PRORP: variants seen among roughly 807,000 people sequenced by gnomAD.
PRORP encodes the protein mitochondrial ribonuclease P catalytic subunit.
PRORP carries 51 observed loss-of-function variants against 59.4 expected under a neutral mutation model. The observed-to-expected ratio is 0.86, with a 90% CI of 0.69 to 1.08. The LOEUF is 1.08. Ranked by LOEUF, PRORP falls within the 50% of genes least tolerant of loss-of-function variation. The pLI is 0.00. For missense variants in PRORP, 646 were observed against 690.3 expected (o/e 0.94, Z 0.72); for synonymous variants, 231 against 245.6 (o/e 0.94, Z 0.55).
chr14:35,214,126 A>T (rs1197456762), intron 5 of PRORP, among the ~76,000 whole-genome samples: 3 of 152,182 alleles, frequency 2.0e-5, no homozygotes, highest in Non-Finnish European at 4.4e-5. Context: ...TATTTTAGTG[A>T]GTCATCCTTC....
At chr14:35,131,311 T>C (rs933883922) in intron 4 of PRORP, among the ~76,000 whole-genome samples, 21 of 152,184 alleles carry the variant, frequency 1.4e-4, no homozygotes, top group African/African-American at 5.1e-4. Flanking sequence ...TGATGTAATC[T>C]CTCAGCTTTT....
intron 4 of PRORP, among the ~76,000 whole-genome samples, chr14:35,168,626 G>A (rs1373196151): frequency 6.6e-6 from 1 of 151,844 alleles, no homozygotes; most frequent in Non-Finnish European, 1.5e-5. Context: ...AAAAGCATAG[G>A]CCTATTATTT....
chr14:35,156,049 A>C (rs1357002145), intron 4 of PRORP, among the ~76,000 whole-genome samples: 1 of 152,184 alleles, frequency 6.6e-6, no homozygotes, highest in Non-Finnish European at 1.5e-5. Context: ...GTACAAGTTA[A>C]TCCATTGTGT....
At chr14:35,129,139 C>T (rs953119526) in intron 4 of PRORP, among the ~76,000 whole-genome samples, 8 of 151,442 alleles carry the variant, frequency 5.3e-5, no homozygotes, top group Non-Finnish European at 7.4e-5. Flanking sequence ...ACCCAGGAGG[C>T]GGAGGTTGAA....
intron 5 of PRORP, among the ~76,000 whole-genome samples, chr14:35,254,567 T>A (rs980756304): frequency 6.6e-6 from 1 of 152,100 alleles, no homozygotes; most frequent in Non-Finnish European, 1.5e-5. Context: ...TAATTTTGTA[T>A]TTTTAGTAGA....
intron 4 of PRORP, among the ~76,000 whole-genome samples, chr14:35,165,349 C>T (rs896394808): frequency 5.9e-5 from 9 of 152,100 alleles, no homozygotes; most frequent in Admixed American, 4.6e-4. Flanking sequence ...TTTTGAACCC[C>T]AAGTTCACCA....
chr14:35,234,676 C>CT (rs398056986), intron 5 of PRORP, among the ~76,000 whole-genome samples: 10,621 of 130,092 alleles, frequency 0.082, 880 homozygotes, highest in African/African-American at 0.21. Flanking sequence ...ACTGTTGTTC[C>CT]TTTTTTTTTT....
intron 6 of PRORP, 80 bp from the exon 7 acceptor site, chr14:35,270,321 A>G: frequency 7.4e-7 from 1 of 1,359,234 alleles, no homozygotes; most frequent in East Asian, 2.3e-5. Context: ...CAAGGAAAGT[A>G]AGTAAAAAGT....
At chr14:35,132,510 T>C (rs1260505991) in intron 4 of PRORP, among the ~76,000 whole-genome samples, 1 of 151,462 alleles carries the variant, frequency 6.6e-6, no homozygotes, top group Non-Finnish European at 1.5e-5. Flanking sequence ...CGTCCAGGCA[T>C]TGTGGCTCAC....
At chr14:35,216,849 G>C (rs2049610673) in intron 5 of PRORP, among the ~76,000 whole-genome samples, 1 of 152,174 alleles carries the variant, frequency 6.6e-6, no homozygotes, top group Admixed American at 6.5e-5. Flanking sequence ...ACTAATAGGT[G>C]TGAAGTGGTA....
At chr14:35,122,915 G>A (rs940816377) in intron 1 of PRORP, 37 bp from the exon 2 acceptor site, 1 of 246,454 alleles carries the variant, frequency 4.1e-6, no homozygotes, top group Admixed American at 5.0e-5. Context: ...ATCCACGTGA[G>A]TAAAACTGGG....
chr14:35,175,721 C>T (rs2048432563), intron 4 of PRORP, among the ~76,000 whole-genome samples: 2 of 151,966 alleles, frequency 1.3e-5, no homozygotes, highest in South Asian at 2.1e-4. Flanking sequence ...GGTTCTTTTG[C>T]TGTGCAGAAG....
intron 4 of PRORP, among the ~76,000 whole-genome samples, chr14:35,159,714 C>T (rs1371282445): frequency 6.6e-6 from 1 of 152,092 alleles, no homozygotes; most frequent in Non-Finnish European, 1.5e-5. Flanking sequence ...TTTACAATAA[C>T]TTTGAGGGAA....
intron 5 of PRORP, among the ~76,000 whole-genome samples, chr14:35,240,975 C>T (rs1251690731): frequency 6.6e-6 from 1 of 152,162 alleles, no homozygotes; most frequent in Non-Finnish European, 1.5e-5. Context: ...TAAACATGTA[C>T]AGACTTTTTT....
intron 4 of PRORP, among the ~76,000 whole-genome samples, chr14:35,153,368 A>G (rs1438791732): frequency 6.6e-6 from 1 of 150,786 alleles, no homozygotes; most frequent in African/African-American, 2.4e-5. Flanking sequence ...TCCGCATCAG[A>G]GGGAGACGGT....
chr14:35,219,370 A>G (rs769257314), intron 5 of PRORP: 14 of 152,184 alleles, frequency 9.2e-5, no homozygotes, highest in Non-Finnish European at 1.6e-4. Flanking sequence ...CTTCCTACTC[A>G]GATTTTCTAA....
chr14:35,173,936 G>A (rs966923524), intron 4 of PRORP, among the ~76,000 whole-genome samples: 2 of 151,968 alleles, frequency 1.3e-5, no homozygotes, highest in Non-Finnish European at 2.9e-5. Flanking sequence ...TGTTGGCTGG[G>A]ACTCCGTTGG....
chr14:35,188,191 ATTTT>A (rs35907061), intron 5 of PRORP, among the ~76,000 whole-genome samples: 1 of 111,020 alleles, frequency 9.0e-6, no homozygotes. Context: ...TTGAGTTGTA[ATTTT>A]TTTTTTTTTT....
chr14:35,165,686 GT>G (rs147933217), intron 4 of PRORP, among the ~76,000 whole-genome samples: 10,564 of 148,390 alleles, frequency 0.071, 406 homozygotes, highest in Middle Eastern at 0.12. Context: ...AAAATGTAAG[GT>G]TTTTTTTTTG....
Sources: gnomAD v4.1 joint callset for allele counts (sites outside exome capture counted in the v4.1 genomes callset) on GRCh38, gnomAD v4.1.1 for gene constraint, MANE v1.5 for transcripts, NCBI Gene and HGNC (gene_info 2026-07-23, HGNC 2026-07-21) for gene names.